The following ZNF804A variants were observed in gnomAD, a reference collection of about 807,000 sequenced individuals.
The protein encoded by ZNF804A is zinc finger protein 804A.
ZNF804A carries 2 observed loss-of-function variants against 16.5 expected under a neutral mutation model. The observed-to-expected ratio is 0.12, with a 90% CI of 0.05 to 0.38. The LOEUF is 0.38. Among genes scored for constraint, ZNF804A ranks in the 10% least tolerant of loss-of-function variants. ZNF804A has a pLI of 0.99. For synonymous variants in ZNF804A, 534 were observed against 489.6 expected (o/e 1.09, Z -1.20); for missense variants, 1,473 against 1,390.7 (o/e 1.06, Z -0.94).
chr2:184,718,777 T>C (rs72901820), intron 1 of ZNF804A, among the ~76,000 whole-genome samples: 7,890 of 152,256 alleles, frequency 0.052, 264 homozygotes, highest in Non-Finnish European at 0.077. Context: ...ATAGCCTCCC[T>C]CCTGGCTGCT....
chr2:184,671,948 T>C (rs972434462), intron 1 of ZNF804A, among the ~76,000 whole-genome samples: 3 of 152,218 alleles, frequency 2.0e-5, no homozygotes, highest in Non-Finnish European at 4.4e-5. Context: ...GTAAATCAGT[T>C]GTTTATAAGA....
At chr2:184,728,884 C>T (rs1025125740) in intron 1 of ZNF804A, among the ~76,000 whole-genome samples, 1 of 151,712 alleles carries the variant, frequency 6.6e-6, no homozygotes, top group Non-Finnish European at 1.5e-5. Flanking sequence ...TGGTCTTATT[C>T]GCAACAACAT....
chr2:184,824,992 C>A (rs1695137134), intron 1 of ZNF804A, among the ~76,000 whole-genome samples: 1 of 152,126 alleles, frequency 6.6e-6, no homozygotes, highest in Non-Finnish European at 1.5e-5. Flanking sequence ...AACATGTAAG[C>A]CCCACGTCTC....
chr2:184,768,222 AT>A (rs750310814), intron 1 of ZNF804A, among the ~76,000 whole-genome samples: 2 of 152,226 alleles, frequency 1.3e-5, no homozygotes, highest in Non-Finnish European at 1.5e-5. Flanking sequence ...CTGAAAGTGT[AT>A]TGGGGGATGT....
chr2:184,824,461 C>A (rs967900053), intron 1 of ZNF804A, among the ~76,000 whole-genome samples: 1 of 151,740 alleles, frequency 6.6e-6, no homozygotes, highest in Non-Finnish European at 1.5e-5. Flanking sequence ...GAAGCATATT[C>A]ATGTCCTCGG....
chr2:184,681,695 T>G (rs964721235), intron 1 of ZNF804A, among the ~76,000 whole-genome samples: 1 of 152,204 alleles, frequency 6.6e-6, no homozygotes, highest in African/African-American at 2.4e-5. Flanking sequence ...ACAGGGGAAG[T>G]GCAGCCCGGA....
intron 1 of ZNF804A, among the ~76,000 whole-genome samples, chr2:184,658,945 C>T (rs1167222598): frequency 6.6e-6 from 1 of 152,090 alleles, no homozygotes; most frequent in Non-Finnish European, 1.5e-5. Context: ...TTGTATTCTA[C>T]CTCAGAATAT....
chr2:184,635,347 A>G (rs1190653486), intron 1 of ZNF804A, among the ~76,000 whole-genome samples: 1 of 152,172 alleles, frequency 6.6e-6, no homozygotes, highest in African/African-American at 2.4e-5. Flanking sequence ...GCTTGGCACT[A>G]GTATTATAAA....
intron 2 of ZNF804A, among the ~76,000 whole-genome samples, chr2:184,881,298 C>T (rs907089258): frequency 4.6e-5 from 7 of 151,454 alleles, no homozygotes; most frequent in Admixed American, 2.0e-4. Context: ...CACTCACTGG[C>T]GTCCCTGAAA....
At chr2:184,656,922 ATGTATC>A (rs1012146196) in intron 1 of ZNF804A, among the ~76,000 whole-genome samples, 4 of 152,034 alleles carry the variant, frequency 2.6e-5, no homozygotes, top group African/African-American at 9.7e-5. Context: ...CTGCCAGGTA[ATGTATC>A]TGAGGTAAAG....
chr2:184,603,176 A>G (rs909370077), intron 1 of ZNF804A, among the ~76,000 whole-genome samples: 8 of 152,156 alleles, frequency 5.3e-5, no homozygotes, highest in African/African-American at 1.9e-4. Context: ...TATTTAGTTC[A>G]TTCAAATTTA....
At chr2:184,621,530 C>T (rs185930889) in intron 1 of ZNF804A, among the ~76,000 whole-genome samples, 13 of 151,772 alleles carry the variant, frequency 8.6e-5, no homozygotes, top group African/African-American at 3.1e-4. Context: ...TTGGTGTGTA[C>T]ATATTCATTT....
intron 1 of ZNF804A, among the ~76,000 whole-genome samples, chr2:184,603,635 G>A (rs1293462701): frequency 6.6e-6 from 1 of 152,106 alleles, no homozygotes; most frequent in Non-Finnish European, 1.5e-5. Context: ...TGGTGAATTG[G>A]TGCTGCTGGA....
intron 2 of ZNF804A, among the ~76,000 whole-genome samples, chr2:184,911,464 G>C (rs970034428): frequency 2.0e-5 from 3 of 151,854 alleles, no homozygotes; most frequent in Non-Finnish European, 4.4e-5. Flanking sequence ...CTCTTTTTTG[G>C]TTCCTTATCC....
intron 1 of ZNF804A, among the ~76,000 whole-genome samples, chr2:184,707,578 A>G (rs1258976091): frequency 6.6e-6 from 1 of 152,098 alleles, no homozygotes; most frequent in Non-Finnish European, 1.5e-5. Context: ...GCTTAGGTTA[A>G]TGGCCTCCAG....
chr2:184,825,398 A>G (rs1044550280), intron 1 of ZNF804A, among the ~76,000 whole-genome samples: 6 of 152,180 alleles, frequency 3.9e-5, no homozygotes, highest in Non-Finnish European at 8.8e-5. Flanking sequence ...ACATTGATGA[A>G]TAATAACAAC....
intron 1 of ZNF804A, among the ~76,000 whole-genome samples, chr2:184,772,594 G>C (rs1279582667): frequency 6.6e-6 from 1 of 151,706 alleles, no homozygotes; most frequent in Non-Finnish European, 1.5e-5. Flanking sequence ...TTGTGTACAA[G>C]TTTTTGTGTG....
rs1685783806 is a variant in ZNF804A at position 184,936,272 on chromosome 2, A to G, written c.876A>G (p.Gln292=). Residue 292 remains glutamine (Q), a synonymous_variant, in exon 4 of 4, where the codon CAA becomes CAG. Coordinates refer to ENST00000302277, the MANE Select transcript of ZNF804A (RefSeq NM_194250.2). ...TGTGCAGAGACAAAGAAACTGTTCA[A>G]ACTCAAGAGATAAAAGAAGTCTCTA... ...EAMCRDKETV[Q]TQEIKEVSSE... The G allele has an allele frequency of 1.2e-6, 2 of 1,613,866 alleles. No individual in the cohort carries two copies.
intron 1 of ZNF804A, among the ~76,000 whole-genome samples, chr2:184,627,808 A>G (rs1017093987): frequency 1.1e-4 from 17 of 152,202 alleles, no homozygotes; most frequent in South Asian, 2.1e-4. Context: ...AGCTAGGTCA[A>G]GAATCGAAGT....
Sources: allele counts gnomAD v4.1 joint callset (sites outside exome capture counted in the v4.1 genomes callset), GRCh38; gene constraint gnomAD v4.1.1; transcripts MANE v1.5; gene names NCBI Gene and HGNC (gene_info 2026-07-23, HGNC 2026-07-21).